The following TAB2 variants were observed in gnomAD, a reference collection of about 807,000 sequenced individuals.
The protein encoded by TAB2 is TGF-beta activated kinase 1 (MAP3K7) binding protein 2.
In TAB2, 3 loss-of-function variants were observed where a neutral mutation model predicts 65.0. That is an observed-to-expected ratio of 0.05 (90% CI 0.02 to 0.12). TAB2 has a LOEUF of 0.12. Among genes scored for constraint, TAB2 ranks in the 10% least tolerant of loss-of-function variants. TAB2 has a pLI of 1.00. For synonymous variants in TAB2, 298 were observed against 285.1 expected (o/e 1.05, Z -0.46); for missense variants, 623 against 840.3 (o/e 0.74, Z 3.20).
At chr6:149,349,177 TTG>T (rs1780404917) in intron 1 of TAB2, among the ~76,000 whole-genome samples, 1 of 151,800 alleles carries the variant, frequency 6.6e-6, no homozygotes, top group Non-Finnish European at 1.5e-5. Context: ...CCCCAGTGCT[TTG>T]GGAGACTGAG....
chr6:149,235,965 G>A (rs1024588892), intron 1 of TAB2, among the ~76,000 whole-genome samples: 2 of 152,196 alleles, frequency 1.3e-5, no homozygotes, highest in Non-Finnish European at 2.9e-5. Context: ...TGGTCCTCTT[G>A]GGAAGGGAGA....
intron 6 of TAB2, among the ~76,000 whole-genome samples, chr6:149,403,271 T>C (rs185419049): frequency 0.21 from 20,262 of 95,310 alleles, 2,730 homozygotes; most frequent in African/African-American, 0.29. Context: ...TATATATATA[T>C]ATATATATAT....
chr6:149,351,246 G>GC (rs1780480517), intron 1 of TAB2, among the ~76,000 whole-genome samples: 1 of 152,094 alleles, frequency 6.6e-6, no homozygotes, highest in Non-Finnish European at 1.5e-5. Flanking sequence ...TTCCCCAACT[G>GC]CAAGTTTTTT....
At chr6:149,328,384 C>A (rs1779681132) in intron 1 of TAB2, among the ~76,000 whole-genome samples, 1 of 152,120 alleles carries the variant, frequency 6.6e-6, no homozygotes, top group Non-Finnish European at 1.5e-5. Flanking sequence ...CCTCCACCTC[C>A]CAGGTTCAAG....
chr6:149,380,493 C>T (rs1781571189), intron 3 of TAB2, among the ~76,000 whole-genome samples: 1 of 152,076 alleles, frequency 6.6e-6, no homozygotes, highest in African/African-American at 2.4e-5. Context: ...TATTGGCATA[C>T]TACATTATGT....
chr6:149,287,670 A>G (rs977977447), intron 1 of TAB2, among the ~76,000 whole-genome samples: 5 of 152,320 alleles, frequency 3.3e-5, no homozygotes, highest in African/African-American at 4.8e-5. Flanking sequence ...CTTGTTTTCA[A>G]TGTGGTACTG....
chr6:149,332,867 A>C (rs576602626), intron 1 of TAB2, among the ~76,000 whole-genome samples: 1 of 152,214 alleles, frequency 6.6e-6, no homozygotes, highest in African/African-American at 2.4e-5. Flanking sequence ...GATCATGTGT[A>C]CTTTAAATTC....
chr6:149,240,708 T>C (rs1479798819), intron 1 of TAB2, among the ~76,000 whole-genome samples: 1 of 152,226 alleles, frequency 6.6e-6, no homozygotes, highest in Non-Finnish European at 1.5e-5. Context: ...GAACATGTTT[T>C]AAGTGTAATG....
intron 1 of TAB2, among the ~76,000 whole-genome samples, chr6:149,289,666 A>G (rs1778740823): frequency 6.6e-6 from 1 of 152,246 alleles, no homozygotes; most frequent in Non-Finnish European, 1.5e-5. Context: ...TGTTGATGAA[A>G]AAAGTCAAAC....
At chr6:149,332,050 G>C (rs1484768080) in intron 1 of TAB2, among the ~76,000 whole-genome samples, 1 of 152,286 alleles carries the variant, frequency 6.6e-6, no homozygotes, top group Admixed American at 6.5e-5. Flanking sequence ...GCATAAAAGA[G>C]AATTCAAGGA....
chr6:149,329,605 G>A (rs1346616047), intron 1 of TAB2, among the ~76,000 whole-genome samples: 1 of 144,222 alleles, frequency 6.9e-6, no homozygotes, highest in East Asian at 2.2e-4. Context: ...AAATGCAGTG[G>A]CCTTTAAGTG....
At chr6:149,350,293 A>G (rs1242398711) in intron 1 of TAB2, among the ~76,000 whole-genome samples, 2 of 152,094 alleles carry the variant, frequency 1.3e-5, no homozygotes, top group Non-Finnish European at 2.9e-5. Flanking sequence ...TTAAGAGGTA[A>G]ATAGGATTGA....
chr6:149,398,082 T>C lies in TAB2; in HGVS notation c.1858+20T>C, dbSNP rs779449696. 8.8e-6 allele frequency: 14 copies of C among 1,598,206 alleles called. No individual in the cohort carries two copies. Among genetic ancestry groups the C allele is most frequent in the Non-Finnish European group, 1.2e-5 (14 of 1,166,360 alleles). ...CCCGAGGTAAAGTTCAGTGTATTTG[T>C]AGCTGAAATTCATCGTATTTAATTC... On this transcript the variant is annotated intron_variant, in intron 5 of 6. Transcript: ENST00000637181.
At chr6:149,273,100 G>A (rs917146362) in intron 1 of TAB2, among the ~76,000 whole-genome samples, 8 of 151,740 alleles carry the variant, frequency 5.3e-5, no homozygotes, top group African/African-American at 1.5e-4. Flanking sequence ...CAAAAGCATC[G>A]AGGACCACTG....
intron 6 of TAB2, among the ~76,000 whole-genome samples, chr6:149,402,846 C>T (rs538407550): frequency 6.6e-6 from 1 of 152,122 alleles, no homozygotes; most frequent in Non-Finnish European, 1.5e-5. Flanking sequence ...TAATGTGATA[C>T]AGCACACACA....
chr6:149,288,854 A>ATTTTTTTTT (rs71007938), intron 1 of TAB2, among the ~76,000 whole-genome samples: 1 of 115,372 alleles, frequency 8.7e-6, no homozygotes, highest in Non-Finnish European at 1.7e-5. Context: ...TTAATTTTTA[A>ATTTTTTTTT]TTTTTTTTTT....
chr6:149,222,107 C>G (rs1346329200), intron 1 of TAB2, among the ~76,000 whole-genome samples: 1 of 152,200 alleles, frequency 6.6e-6, no homozygotes, highest in Admixed American at 6.5e-5. Context: ...TAACCCGGAA[C>G]AGCCATTCAG....
At chr6:149,309,813 T>C (rs1244880245) in intron 1 of TAB2, among the ~76,000 whole-genome samples, 1 of 152,080 alleles carries the variant, frequency 6.6e-6, no homozygotes, top group East Asian at 1.9e-4. Flanking sequence ...GGGGATGAAA[T>C]GAGATGTCCC....
chr6:149,264,472 T>G (rs1035057538), intron 1 of TAB2, among the ~76,000 whole-genome samples: 1 of 109,864 alleles, frequency 9.1e-6, no homozygotes, highest in Admixed American at 9.0e-5. Flanking sequence ...TTTTTAATTT[T>G]TTTTACTTTT....
Sources: gnomAD v4.1 joint callset for allele counts (sites outside exome capture counted in the v4.1 genomes callset) on GRCh38, gnomAD v4.1.1 for gene constraint, MANE v1.5 for transcripts, NCBI Gene and HGNC (gene_info 2026-07-23, HGNC 2026-07-21) for gene names.